Variants in GLI2 observed in about 807,000 individuals in gnomAD.
GLI2 encodes transcription activator GLI2.
Under a neutral mutation model 78.9 loss-of-function variants are expected in GLI2, and 22 were observed. The observed-to-expected ratio is 0.28, with a 90% CI of 0.20 to 0.40. The LOEUF is 0.40. Among genes scored for constraint, GLI2 ranks in the 10% least tolerant of loss-of-function variants. GLI2 has a pLI of 1.00. For synonymous variants in GLI2, 974 were observed against 963.7 expected (o/e 1.01, Z -0.20); for missense variants, 2,097 against 2,213.2 (o/e 0.95, Z 1.05).
At chr2:120,913,356 A>T (rs1262820753) in intron 2 of GLI2, among the ~76,000 whole-genome samples, 1 of 152,244 alleles carries the variant, frequency 6.6e-6, no homozygotes, top group African/African-American at 2.4e-5. Flanking sequence ...CATGTAACAC[A>T]TCTCATTAAC....
At chr2:120,828,667 C>T (rs190705344) in intron 2 of GLI2, among the ~76,000 whole-genome samples, 1 of 152,194 alleles carries the variant, frequency 6.6e-6, no homozygotes, top group South Asian at 2.1e-4. Flanking sequence ...AAGTTAAATT[C>T]GTATTAATTA....
At chr2:120,887,388 T>C (rs1190887126) in intron 2 of GLI2, among the ~76,000 whole-genome samples, 2 of 152,260 alleles carry the variant, frequency 1.3e-5, no homozygotes, top group East Asian at 3.8e-4. Context: ...ATTATCACCC[T>C]CTCACCGTGC....
intron 1 of GLI2, among the ~76,000 whole-genome samples, chr2:120,774,470 A>G (rs939734157): frequency 8.5e-5 from 13 of 152,182 alleles, no homozygotes; most frequent in Admixed American, 4.6e-4. Flanking sequence ...ACCCATTAGC[A>G]GTCGCTCCCC....
intron 1 of GLI2, among the ~76,000 whole-genome samples, chr2:120,781,391 A>C (rs1683843137): frequency 6.6e-6 from 1 of 152,180 alleles, no homozygotes; most frequent in African/African-American, 2.4e-5. Context: ...TCAGAGCAGC[A>C]GCCCCCTCTT....
intron 2 of GLI2, among the ~76,000 whole-genome samples, chr2:120,868,316 A>T (rs1428891027): frequency 1.3e-5 from 2 of 152,244 alleles, no homozygotes; most frequent in African/African-American, 4.8e-5. Flanking sequence ...AGTTAAGTAT[A>T]GGAGAGAAGG....
At chr2:120,796,173 G>A (rs1684383918) in intron 1 of GLI2, among the ~76,000 whole-genome samples, 1 of 152,192 alleles carries the variant, frequency 6.6e-6, no homozygotes. Context: ...GACGGAAGTT[G>A]CCCATGCCCC....
At chr2:120,984,411 G>A (rs1558936459) in intron 11 of GLI2, 60 bp from the exon 12 acceptor site, 6 of 1,553,632 alleles carry the variant, frequency 3.9e-6, no homozygotes, top group African/African-American at 1.4e-5. Context: ...CAGGGAGAGC[G>A]CCCCTTCAGA....
chr2:120,773,867 C>A (rs1341417576), intron 1 of GLI2, among the ~76,000 whole-genome samples: 1 of 151,734 alleles, frequency 6.6e-6, no homozygotes, highest in Admixed American at 6.6e-5. Context: ...AGGGGGACCT[C>A]ACCTACCTAC....
At chr2:120,893,133 C>T (rs1677762162) in intron 2 of GLI2, among the ~76,000 whole-genome samples, 1 of 152,248 alleles carries the variant, frequency 6.6e-6, no homozygotes, top group Non-Finnish European at 1.5e-5. Flanking sequence ...ATCTCAGCAG[C>T]TCAGCCTGTC....
intron 1 of GLI2, among the ~76,000 whole-genome samples, chr2:120,764,965 T>C (rs926891905): frequency 3.9e-5 from 6 of 152,206 alleles, no homozygotes; most frequent in African/African-American, 1.4e-4. Context: ...TGTTCATTTG[T>C]TCACCGTCCA....
At chr2:120,817,053 C>G (rs1446985269) in intron 2 of GLI2, among the ~76,000 whole-genome samples, 1 of 152,178 alleles carries the variant, frequency 6.6e-6, no homozygotes, top group Non-Finnish European at 1.5e-5. Context: ...AATTAGAAGT[C>G]CAGATCTTCC....
At chr2:120,916,571 G>C (rs970281267) in intron 2 of GLI2, among the ~76,000 whole-genome samples, 2 of 152,270 alleles carry the variant, frequency 1.3e-5, no homozygotes, top group African/African-American at 4.8e-5. Flanking sequence ...TCCAGCTGTG[G>C]CAGTGGCTTA....
chr2:120,980,806 TAAAA>T (rs1331925963), intron 10 of GLI2, among the ~76,000 whole-genome samples: 1 of 152,044 alleles, frequency 6.6e-6, no homozygotes, highest in Non-Finnish European at 1.5e-5. Context: ...ATTTAAAAAT[TAAAA>T]AAAGAATATA....
At chr2:120,774,702 G>A (rs571023475) in intron 1 of GLI2, among the ~76,000 whole-genome samples, 1 of 152,292 alleles carries the variant, frequency 6.6e-6, no homozygotes, top group South Asian at 2.1e-4. Context: ...CTGGCCAGAG[G>A]GGAGCAGCAG....
rs1684653256 is a variant in GLI2 at position 120,800,521 on chromosome 2, T to G, written c.148+3053T>G. ...ATTTTTTATTTTTATTTATTTATTT[T>G]TTTGAGACAGTCTTCACTTTGTCAC... On this transcript the variant is annotated intron_variant, in intron 2 of 13. Coordinates refer to ENST00000361492, the MANE Select transcript of GLI2 (RefSeq NM_001374353.1). This position sits in a 1 kb window ranked among gnomAD's most constrained non-coding sequence, Gnocchi z 4.1. Among the ~76,000 whole-genome samples, 1 of 151,936 alleles carries G rather than the reference T, an allele frequency of 6.6e-6. No individual in the cohort carries two copies. The highest frequency in any genetic ancestry group is 1.5e-5 in the Non-Finnish European group (1 of 68,002).
In GLI2 at chr2:120,988,985, A is replaced by G. The variant is rs1477028869; in HGVS notation, c.3020A>G (p.Tyr1007Cys). ...STDGGLARGA[Y>C]SPRPPSISEN... The stretch of plus-strand genomic sequence containing the variant: ...GACGGCGGCCTGGCCCGCGGCGCCT[A>G]CTCGCCCCGGCCGCCTAGCATCAGC... Residue 1007 changes from tyrosine to cysteine, a missense_variant, in exon 14 of 14, where the codon TAC (tyrosine) becomes TGC (cysteine). By Grantham distance (194) the Tyr-to-Cys change is radical (BLOSUM62 -2). Transcript: ENST00000361492. 2 of 1,577,880 alleles carry G rather than the reference A, an allele frequency of 1.3e-6. No homozygotes were observed. Among genetic ancestry groups the G allele is most frequent in the Non-Finnish European group, 1.7e-6 (2 of 1,167,770 alleles).
intron 1 of GLI2, among the ~76,000 whole-genome samples, chr2:120,767,091 C>T (rs1442050875): frequency 6.6e-6 from 1 of 152,250 alleles, no homozygotes; most frequent in Non-Finnish European, 1.5e-5. Flanking sequence ...GAAGGCCCGA[C>T]AGACATACAG....
intron 1 of GLI2, among the ~76,000 whole-genome samples, chr2:120,763,142 G>A (rs1350069097): frequency 6.6e-6 from 1 of 152,140 alleles, no homozygotes; most frequent in Non-Finnish European, 1.5e-5. Flanking sequence ...CTCTGAATGT[G>A]CCCTTCCTGC....
chr2:120,779,177 A>C (rs1683766811), intron 1 of GLI2, among the ~76,000 whole-genome samples: 1 of 152,224 alleles, frequency 6.6e-6, no homozygotes, highest in Non-Finnish European at 1.5e-5. Flanking sequence ...AAACATTTAC[A>C]GACAGACTAT....
Sources: allele counts gnomAD v4.1 joint callset (sites outside exome capture counted in the v4.1 genomes callset), GRCh38; gene constraint gnomAD v4.1.1; non-coding constraint Gnocchi (gnomAD v3.1); transcripts MANE v1.5; gene names NCBI Gene and HGNC (gene_info 2026-07-23, HGNC 2026-07-21).